Variants in HFM1 observed in about 807,000 individuals in gnomAD.
The protein encoded by HFM1 is helicase for meiosis 1.
A neutral mutation model predicts 192.1 loss-of-function variants in HFM1; 169 were observed. The observed-to-expected ratio is 0.88, with a 90% CI of 0.78 to 1.00. The LOEUF (loss-of-function observed/expected upper bound fraction) is 1.00, where lower values mean the gene tolerates loss of function less well. HFM1 is among the 50% of genes least tolerant of loss of function. The pLI is 0.00. For missense variants in HFM1, 1,661 were observed against 1,668.0 expected (o/e 1.00, Z 0.07); for synonymous variants, 525 against 537.8 (o/e 0.98, Z 0.33).
intron 7 of HFM1, among the ~76,000 whole-genome samples, chr1:91,380,510 T>C (rs1379559747): frequency 6.6e-6 from 1 of 152,110 alleles, no homozygotes; most frequent in East Asian, 1.9e-4. Flanking sequence ...TCCCAGCACT[T>C]TGGGAAGCCA....
At chr1:91,354,966 G>A (rs554979130) in intron 13 of HFM1, among the ~76,000 whole-genome samples, 1 of 152,202 alleles carries the variant, frequency 6.6e-6, no homozygotes, top group South Asian at 2.1e-4. Context: ...TAATGGTGGT[G>A]TGCAAATCTT....
intron 16 of HFM1, 138 bp from the exon 17 acceptor site, chr1:91,351,781 TCTC>T (rs1367131885): frequency 2.4e-6 from 1 of 411,194 alleles, no homozygotes; most frequent in Non-Finnish European, 4.4e-6. Flanking sequence ...TTAAAAATGC[TCTC>T]ATTTTTTTAA....
intron 20 of HFM1, among the ~76,000 whole-genome samples, chr1:91,342,706 T>C (rs1210356523): frequency 1.3e-5 from 2 of 152,232 alleles, no homozygotes; most frequent in East Asian, 3.9e-4. Flanking sequence ...GTTATATGAG[T>C]CCCAGTTAAT....
chr1:91,368,484 A>G (rs1659700450), intron 13 of HFM1, among the ~76,000 whole-genome samples: 1 of 152,200 alleles, frequency 6.6e-6, no homozygotes, highest in African/African-American at 2.4e-5. Context: ...AGAATTTCAT[A>G]TCCAGCCAAA....
In HFM1 at chr1:91,343,417, G is replaced by C. The variant is rs372102649; in HGVS notation, c.2335+13C>G. 1 of 1,253,474 alleles carries C rather than the reference G, an allele frequency of 8.0e-7. No homozygotes were observed. Among genetic ancestry groups the C allele is most frequent in the Non-Finnish European group, 1.1e-6 (1 of 885,826 alleles). 77.6% of individuals were successfully genotyped at this position (1,253,474 alleles called of 1,614,324 possible). A position where few individuals can be genotyped will look rare whatever the true frequency, so the allele number is the denominator to read the frequency against. On this transcript the variant is annotated intron_variant, in intron 20 of 38. Transcript: ENST00000370425. ...AACAATTGCTAAATTTACTGACAAT[G>C]ATAAGAAATTACCAGTTGGTTTGAA...
Position 91,322,905 on chromosome 1 carries a change from TA to T in HFM1, c.2582+44del, listed in dbSNP as rs761993976. 7.4e-6 allele frequency: 7 copies of T among 945,140 alleles called. No individual in the cohort carries two copies. In the South Asian group the frequency reaches 1.5e-4, roughly 21 times the overall value. The allele number at this position is 945,140 out of a possible 1,614,324, so 58.5% of individuals were successfully genotyped here. A position where few individuals can be genotyped will look rare whatever the true frequency, so the allele number is the denominator to read the frequency against. On this transcript the variant is annotated intron_variant, in intron 23 of 38. Transcript: ENST00000370425. Reference sequence around the variant, plus strand: ...TAAGAAAAACAAATTAAAAATGTTTTAAAACCAAAAAAAGAAAACTTTCATA... The same window carrying T: ...TAAGAAAAACAAATTAAAAATGTTTTAAACCAAAAAAAGAAAACTTTCATA...
chr1:91,369,869 G>C (rs1571142212), intron 13 of HFM1, among the ~76,000 whole-genome samples: 1 of 151,956 alleles, frequency 6.6e-6, no homozygotes, highest in Non-Finnish European at 1.5e-5. Flanking sequence ...AGAAAAGAGA[G>C]AAGAATCAAA....
intron 30 of HFM1, among the ~76,000 whole-genome samples, chr1:91,298,566 C>T (rs1165029185): frequency 6.6e-6 from 1 of 152,176 alleles, no homozygotes; most frequent in Non-Finnish European, 1.5e-5. Context: ...AAAGGGAAAT[C>T]CATCAGACTA....
intron 34 of HFM1, among the ~76,000 whole-genome samples, chr1:91,269,335 C>T (rs989449978): frequency 6.6e-6 from 1 of 151,900 alleles, no homozygotes; most frequent in African/African-American, 2.4e-5. Flanking sequence ...AGTATTTTTG[C>T]CTTTGTTTTT....
In HFM1 at chr1:91,264,361, A is replaced by ATTTTTTTTTTTTTTT. The variant is rs71087940; in HGVS notation, c.3974+1641_3974+1655dup. Reference sequence around the variant, plus strand: ...TTCCAAGGGATACCACAAATTTAGTATTTTTTTTTTTTTTTTTTTTTTTTT... The same window carrying ATTTTTTTTTTTTTTT: ...TTCCAAGGGATACCACAAATTTAGTATTTTTTTTTTTTTTTTTTTTTTTTTTTTTTTTTTTTTTTT... On this transcript the variant is annotated intron_variant, in intron 36 of 38. Coordinates refer to ENST00000370425, the MANE Select transcript of HFM1 (RefSeq NM_001017975.6). Among the ~76,000 whole-genome samples, 270 of 57,088 alleles carry ATTTTTTTTTTTTTTT rather than the reference A, an allele frequency of 4.7e-3. 59 individuals are homozygous for ATTTTTTTTTTTTTTT. The highest frequency in any genetic ancestry group is 0.014 in the African/African-American group (175 of 12,662). 37.5% of individuals were successfully genotyped at this position (57,088 alleles called of 152,430 possible).
At chr1:91,268,208 A>T (rs1665946344) in intron 34 of HFM1, among the ~76,000 whole-genome samples, 1 of 151,994 alleles carries the variant, frequency 6.6e-6, no homozygotes, top group African/African-American at 2.4e-5. Flanking sequence ...TAGGCAATTA[A>T]TTTTTCCTCT....
chr1:91,276,582 A>G, intron 32 of HFM1, 46 bp downstream of exon 32: 1 of 885,858 alleles, frequency 1.1e-6, no homozygotes, highest in Non-Finnish European at 1.8e-6. Context: ...GAATATTTAT[A>G]TACGTTTAAC....
chr1:91,317,213 G>C (rs747018756), intron 25 of HFM1, among the ~76,000 whole-genome samples: 1 of 151,938 alleles, frequency 6.6e-6, no homozygotes, highest in Non-Finnish European at 1.5e-5. Flanking sequence ...TCGGGAGTTC[G>C]AGACCAACCT....
At chr1:91,314,905 T>C (rs1650978957) in intron 28 of HFM1, among the ~76,000 whole-genome samples, 2 of 152,206 alleles carry the variant, frequency 1.3e-5, no homozygotes, top group Admixed American at 1.3e-4. Context: ...AGGGATATCC[T>C]GGTCACTGCA....
chr1:91,329,196 C>A, intron 20 of HFM1: 2 of 1,609,354 alleles, frequency 1.2e-6, no homozygotes, highest in South Asian at 1.1e-5. Context: ...GCCAGAAAAT[C>A]GGCTCCACAA....
chr1:91,385,218 A>C lies in HFM1; in HGVS notation c.771T>G (p.Gly257=). 4 of 1,565,626 alleles carry C rather than the reference A, an allele frequency of 2.6e-6. No homozygotes were observed. Among genetic ancestry groups the C allele is most frequent in the Non-Finnish European group, 3.5e-6 (4 of 1,142,100 alleles). The change falls in exon 6 of 39, where the codon GGT becomes GGG. Residue 257 remains glycine, a synonymous_variant. Transcript: ENST00000370425. ...CTGTGACAGCCTTCAAGGAACCTAA[A>C]CCATTTTCTGTTACCTCTGAAAAAA... ...PHDIQEVTEN[G]LGSLKAVTEI...
At chr1:91,385,934 A>G in intron 4 of HFM1, 100 bp from the exon 5 acceptor site, 1 of 923,936 alleles carries the variant, frequency 1.1e-6, no homozygotes, top group South Asian at 1.8e-5. Context: ...ACACTCATAG[A>G]TTATGGTTTA....
intron 30 of HFM1, among the ~76,000 whole-genome samples, chr1:91,306,023 G>C (rs1281950192): frequency 6.6e-6 from 1 of 152,074 alleles, no homozygotes; most frequent in East Asian, 1.9e-4. Context: ...TATAGTTTTT[G>C]TAGATATTCT....
chr1:91,302,167 A>C (rs1406870592), intron 30 of HFM1, among the ~76,000 whole-genome samples: 1 of 151,522 alleles, frequency 6.6e-6, no homozygotes, highest in East Asian at 1.9e-4. Flanking sequence ...ATGCAGCCAA[A>C]AGACACATGA....
Sources: gnomAD v4.1 joint callset for allele counts (sites outside exome capture counted in the v4.1 genomes callset) on GRCh38, gnomAD v4.1.1 for gene constraint, MANE v1.5 for transcripts, NCBI Gene and HGNC (gene_info 2026-07-23, HGNC 2026-07-21) for gene names.